Variants in LRFN2 observed in about 807,000 individuals in gnomAD.
LRFN2 encodes leucine rich repeat and fibronectin type III domain containing 2.
A neutral mutation model predicts 37.3 loss-of-function variants in LRFN2; 18 were observed. The observed-to-expected ratio is 0.48, with a 90% CI of 0.33 to 0.72. The LOEUF is 0.72. LRFN2 is among the 30% of genes least tolerant of loss of function. LRFN2 has a pLI of 0.02. For synonymous variants in LRFN2, 556 were observed against 466.6 expected (o/e 1.19, Z -2.47); for missense variants, 1,006 against 1,060.7 (o/e 0.95, Z 0.72).
rs143298454 is a variant in LRFN2 at position 40,455,131 on chromosome 6, G to A, written c.-18-22000C>T. Among the ~76,000 whole-genome samples, 115 of 152,316 alleles carry A rather than the reference G, an allele frequency of 7.6e-4. 1 individual carries two copies. Among genetic ancestry groups the A allele is most frequent in the Middle Eastern group, 6.8e-3 (2 of 294 alleles). ...GTAAAGTAAATAACTGAAATAAAAT[G>A]TATACCTCTTGACTGTTTCCCTTCC... On this transcript the variant is annotated intron_variant, in intron 1 of 2. Transcript: ENST00000338305.
chr6:40,485,377 C>A (rs1012738279), intron 1 of LRFN2, among the ~76,000 whole-genome samples: 2 of 152,174 alleles, frequency 1.3e-5, no homozygotes, highest in African/African-American at 2.4e-5. Flanking sequence ...AGCCTGGAAG[C>A]CATAATCCCT....
At chr6:40,522,237 G>A (rs950699242) in intron 1 of LRFN2, among the ~76,000 whole-genome samples, 1 of 152,198 alleles carries the variant, frequency 6.6e-6, no homozygotes, top group African/African-American at 2.4e-5. Context: ...CTGCCATTCT[G>A]GGAGGAGGGA....
chr6:40,530,135 C>G (rs1002560625), intron 1 of LRFN2, among the ~76,000 whole-genome samples: 3 of 152,198 alleles, frequency 2.0e-5, no homozygotes, highest in African/African-American at 7.2e-5. Flanking sequence ...TTTGCAATGC[C>G]TGCTGTCTGT....
At position 40,559,121 on chromosome 6, in the gene LRFN2, T is replaced by C. The variant is rs189608372; in HGVS notation, c.-19+27820A>G. On this transcript the variant is annotated intron_variant, in intron 1 of 2. Coordinates refer to ENST00000338305, the MANE Select transcript of LRFN2 (RefSeq NM_020737.3). ...GTAAGAGATGAAGCCTCTGATGATATTGGGGGGAGGATGGATGGCCGCTGG... is the reference window on the plus strand; with the variant it reads ...GTAAGAGATGAAGCCTCTGATGATACTGGGGGGAGGATGGATGGCCGCTGG... Among the ~76,000 whole-genome samples the C allele has an allele frequency of 5.9e-5, 9 of 151,356 alleles. No homozygotes were observed. In the East Asian group the frequency reaches 1.4e-3, roughly 23 times the overall value.
intron 1 of LRFN2, among the ~76,000 whole-genome samples, chr6:40,581,942 CT>C (rs1174901912): frequency 2.0e-5 from 3 of 152,208 alleles, no homozygotes; most frequent in Non-Finnish European, 2.9e-5. Flanking sequence ...GGGGGACCCC[CT>C]GGCTTCTTTG....
intron 1 of LRFN2, among the ~76,000 whole-genome samples, chr6:40,444,314 G>C (rs1763915256): frequency 6.6e-6 from 1 of 152,158 alleles, no homozygotes; most frequent in South Asian, 2.1e-4. Flanking sequence ...AGACAGACGA[G>C]AGAAATTAAT....
intron 1 of LRFN2, among the ~76,000 whole-genome samples, chr6:40,487,039 G>C (rs950200055): frequency 6.6e-6 from 1 of 152,098 alleles, no homozygotes; most frequent in Non-Finnish European, 1.5e-5. Context: ...ACCTGGGAGG[G>C]GATGGCGTTG....
intron 1 of LRFN2, among the ~76,000 whole-genome samples, chr6:40,557,755 T>A (rs747133301): frequency 6.6e-6 from 1 of 152,210 alleles, no homozygotes; most frequent in African/African-American, 2.4e-5. Context: ...AGCCTTTCTG[T>A]GTCTCCTCTG....
chr6:40,560,039 T>A (rs912987281), intron 1 of LRFN2, among the ~76,000 whole-genome samples: 1 of 152,144 alleles, frequency 6.6e-6, no homozygotes, highest in African/African-American at 2.4e-5. Context: ...CCTTCCTCTC[T>A]GCATTGTCTC....
intron 1 of LRFN2, among the ~76,000 whole-genome samples, chr6:40,579,136 T>C (rs189701446): frequency 1.1e-3 from 173 of 152,254 alleles, no homozygotes; most frequent in African/African-American, 3.7e-3. Context: ...GCATCCTCAT[T>C]CACAGATTCT....
At position 40,392,451 on chromosome 6, in the gene LRFN2, G is replaced by A. The variant is rs1370634906; in HGVS notation, c.1862C>T (p.Ser621Phe). Residue 621 changes from serine (S) to phenylalanine (F), a missense_variant, in exon 3 of 3, where the codon TCC (serine) becomes TTC (phenylalanine). By Grantham distance (155) the Ser-to-Phe change is radical. This residue lies in a region of LRFN2 where 398 missense variants were observed against 327.6 expected (regional missense o/e 1.21). Transcript: ENST00000338305. This position sits in a 1 kb window ranked among gnomAD's most constrained non-coding sequence, Gnocchi z 4.7. Reference sequence around the variant, plus strand: ...ACTGCCCAGGGAGCTGGAGGAAGAGGAGTCACTGGCGCGGGCCAGGCTGGC... The same window carrying A: ...ACTGCCCAGGGAGCTGGAGGAAGAGAAGTCACTGGCGCGGGCCAGGCTGGC... ...FTASLARASD[S>F]SSSSSLGSGE... is the part of the protein sequence containing the mutation. 1.3e-6 allele frequency: 2 copies of A among 1,567,444 alleles called. No homozygotes were observed. Among genetic ancestry groups the A allele is most frequent in the African/African-American group, 1.4e-5 (1 of 73,666 alleles).
At chr6:40,572,604 G>A (rs1767208744) in intron 1 of LRFN2, among the ~76,000 whole-genome samples, 3 of 152,236 alleles carry the variant, frequency 2.0e-5, no homozygotes, top group Non-Finnish European at 4.4e-5. Flanking sequence ...GGGGCTTGGG[G>A]CCCAGGCCAC....
chr6:40,397,101 T>C (rs1762632253), intron 2 of LRFN2, among the ~76,000 whole-genome samples: 1 of 152,116 alleles, frequency 6.6e-6, no homozygotes, highest in Admixed American at 6.5e-5. Flanking sequence ...ACAGACAAAT[T>C]GCATGAGAAA....
At chr6:40,438,344 C>T (rs746965633) in intron 1 of LRFN2, among the ~76,000 whole-genome samples, 3 of 152,164 alleles carry the variant, frequency 2.0e-5, no homozygotes, top group Admixed American at 6.5e-5. Context: ...ACCATAATTG[C>T]ACAAGGTACC....
At chr6:40,479,736 G>T (rs530603176) in intron 1 of LRFN2, among the ~76,000 whole-genome samples, 10 of 152,268 alleles carry the variant, frequency 6.6e-5, no homozygotes, top group African/African-American at 2.4e-4. Context: ...AGGGCCGCTG[G>T]CTCCCCTGTC....
intron 1 of LRFN2, among the ~76,000 whole-genome samples, chr6:40,580,233 G>A (rs917084082): frequency 6.6e-6 from 1 of 152,174 alleles, no homozygotes; most frequent in Non-Finnish European, 1.5e-5. Context: ...AATGCCCATG[G>A]GCTGCCCCAG....
chr6:40,544,674 A>T (rs115225877), intron 1 of LRFN2, among the ~76,000 whole-genome samples: 1,608 of 152,350 alleles, frequency 0.011, 31 homozygotes, highest in African/African-American at 0.037. Flanking sequence ...GAGAATCAGC[A>T]GCAACCACCT....
In LRFN2 at chr6:40,479,372, C is replaced by T. The variant is rs534762705; in HGVS notation, c.-18-46241G>A. Among the ~76,000 whole-genome samples the T allele has an allele frequency of 1.2e-3, 186 of 152,320 alleles. 1 individual carries two copies. Among genetic ancestry groups the T allele is most frequent in the African/African-American group, 4.2e-3 (174 of 41,566 alleles). On this transcript the variant is annotated intron_variant, in intron 1 of 2. Transcript: ENST00000338305. Reference sequence around the variant, plus strand: ...CTGACAGTGGCTGCAGTGCCATGGGCACTGGCCCTACAAGACAAGGCACAA... The same window carrying T: ...CTGACAGTGGCTGCAGTGCCATGGGTACTGGCCCTACAAGACAAGGCACAA...
At chr6:40,555,746 C>A (rs1766863392) in intron 1 of LRFN2, among the ~76,000 whole-genome samples, 1 of 152,118 alleles carries the variant, frequency 6.6e-6, no homozygotes. Flanking sequence ...TGGCAGGAAG[C>A]CTTGCCACAC....
Sources: allele counts gnomAD v4.1 joint callset (sites outside exome capture counted in the v4.1 genomes callset), GRCh38; gene constraint gnomAD v4.1.1; regional missense constraint gnomAD v4.1.1; non-coding constraint Gnocchi (gnomAD v3.1); transcripts MANE v1.5; gene names NCBI Gene and HGNC (gene_info 2026-07-23, HGNC 2026-07-21).